SEC14L1: variants seen among roughly 807,000 people sequenced by gnomAD.
The protein encoded by SEC14L1 is SEC14-like protein 1.
In SEC14L1, 48 loss-of-function variants were observed where a neutral mutation model predicts 85.3. The observed-to-expected ratio is 0.56, with a 90% CI of 0.45 to 0.72. The LOEUF is 0.72. Among genes scored for constraint, SEC14L1 ranks in the 30% least tolerant of loss-of-function variants. The pLI, the probability that SEC14L1 is intolerant of heterozygous loss-of-function variation, is 0.00. For synonymous variants in SEC14L1, 391 were observed against 355.5 expected (o/e 1.10, Z -1.12); for missense variants, 682 against 921.4 (o/e 0.74, Z 3.36).
Position 77,209,477 on chromosome 17 carries a change from G to A in SEC14L1, c.1611+1G>A, listed in dbSNP as rs1386779620. The A allele has an allele frequency of 6.2e-7, 1 of 1,613,736 alleles. No individual in the cohort carries two copies. Among genetic ancestry groups the A allele is most frequent in the Non-Finnish European group, 8.5e-7 (1 of 1,179,966 alleles). On this transcript the variant is annotated splice_donor_variant, in intron 14 of 16. Transcript: ENST00000436233. LOFTEE classifies it high-confidence loss of function. ...CGTCTTCAAAGGAGCCCCACATGAG[G>A]TACGTCCTCCGCCTTCCTGCACCTG...
intron 13 of SEC14L1, among the ~76,000 whole-genome samples, chr17:77,209,117 C>T (rs1334265026): frequency 3.9e-5 from 6 of 152,198 alleles, no homozygotes; most frequent in African/African-American, 7.2e-5. Context: ...GGTACATCAG[C>T]TTCAACTTGT....
chr17:77,095,901 A>G (rs1971630517), intron 3 of SEC14L1, among the ~76,000 whole-genome samples: 1 of 152,038 alleles, frequency 6.6e-6, no homozygotes, highest in Admixed American at 6.6e-5. Flanking sequence ...CTCCTCCTAC[A>G]CAGGACTGGC....
chr17:77,216,162 C>CGTAGGTAGGGCTA lies in SEC14L1; in HGVS notation c.*2150_*2162dup, dbSNP rs1567943594. 2.5e-6 allele frequency: 1 copy of CGTAGGTAGGGCTA among 396,384 alleles called. No homozygotes were observed. The highest frequency in any genetic ancestry group is 2.0e-4 in the East Asian group (1 of 5,054). The allele number at this position is 396,384 out of a possible 1,614,324, so 24.6% of individuals were successfully genotyped here. A position where few individuals can be genotyped will look rare whatever the true frequency, so the allele number is the denominator to read the frequency against. ...GTAGGTAGGGTTCGTAGGTAGGGTT[C>CGTAGGTAGGGCTA]GTAGGTAGGGCTAGTAGGTAGGGTT... is the stretch of plus-strand genomic sequence containing the variant. On this transcript the variant is annotated 3_prime_UTR_variant, in exon 17 of 17. Transcript: ENST00000436233.
intron 3 of SEC14L1, among the ~76,000 whole-genome samples, chr17:77,182,865 G>A (rs1975098124): frequency 6.6e-6 from 1 of 152,238 alleles, no homozygotes; most frequent in African/African-American, 2.4e-5. Flanking sequence ...AAGCTTTCCA[G>A]AAAAGTCCAG....
chr17:77,173,620 T>C (rs972128245), intron 3 of SEC14L1, among the ~76,000 whole-genome samples: 1 of 152,210 alleles, frequency 6.6e-6, no homozygotes, highest in Non-Finnish European at 1.5e-5. Context: ...CTATTAAAAG[T>C]TGACAAATCC....
intron 3 of SEC14L1, among the ~76,000 whole-genome samples, chr17:77,108,804 AAG>A (rs1491158674): frequency 0.029 from 3,935 of 137,978 alleles, 201 homozygotes; most frequent in African/African-American, 0.1. Context: ...AAAAAAAAAA[AAG>A]AATGTATATG....
intron 3 of SEC14L1, among the ~76,000 whole-genome samples, chr17:77,121,467 T>C (rs1247828447): frequency 6.6e-6 from 1 of 152,142 alleles, no homozygotes; most frequent in Non-Finnish European, 1.5e-5. Flanking sequence ...CAAGCGATTC[T>C]CCTGCCTCAG....
Position 77,206,587 on chromosome 17 carries a change from T to C in SEC14L1, c.1342-141T>C. On this transcript the variant is annotated intron_variant, in intron 12 of 16. Coordinates refer to ENST00000436233, the MANE Select transcript of SEC14L1 (RefSeq NM_001143998.2). This position sits in a 1 kb window ranked among gnomAD's most constrained non-coding sequence, Gnocchi z 4.3. The stretch of plus-strand genomic sequence containing the variant: ...ACAAAATGTGAGTGTCCTAATGCCA[T>C]GCAAATAGACTTTACAGAAGAAGTA... 1 of 1,220,842 alleles carries C rather than the reference T, an allele frequency of 8.2e-7. No homozygotes were observed. Among genetic ancestry groups the C allele is most frequent in the Non-Finnish European group, 1.1e-6 (1 of 873,298 alleles). The allele number at this position is 1,220,842 out of a possible 1,614,324, so 75.6% of individuals were successfully genotyped here.
At chr17:77,196,793 G>A (rs991968237) in intron 8 of SEC14L1, among the ~76,000 whole-genome samples, 1 of 152,204 alleles carries the variant, frequency 6.6e-6, no homozygotes, top group Admixed American at 6.5e-5. Context: ...GGCATTGCAT[G>A]TATTTGGCCT....
intron 1 of SEC14L1, chr17:77,141,431 C>G (rs1873979350): frequency 6.7e-6 from 1 of 148,374 alleles, no homozygotes; most frequent in African/African-American, 2.6e-5. Flanking sequence ...GTGCCCGCCC[C>G]TCTCTCCCGT....
At chr17:77,194,223 A>G (rs1050588606) in intron 6 of SEC14L1, among the ~76,000 whole-genome samples, 2 of 152,140 alleles carry the variant, frequency 1.3e-5, no homozygotes, top group South Asian at 2.1e-4. Flanking sequence ...CTTTTTTTCT[A>G]TTAATTTTGT....
At chr17:77,150,490 A>G (rs978585422) in intron 3 of SEC14L1, among the ~76,000 whole-genome samples, 2 of 152,250 alleles carry the variant, frequency 1.3e-5, no homozygotes, top group African/African-American at 4.8e-5. Context: ...GTTAGATCAA[A>G]TAGGCATTTA....
intron 2 of SEC14L1, among the ~76,000 whole-genome samples, chr17:77,093,044 T>C (rs1223981218): frequency 1.3e-5 from 2 of 151,028 alleles, no homozygotes; most frequent in East Asian, 1.9e-4. Flanking sequence ...CTTGGCTCAG[T>C]GGTACCTGTA....
At chr17:77,152,824 C>T (rs1235548094) in intron 3 of SEC14L1, 2 of 152,208 alleles carry the variant, frequency 1.3e-5, no homozygotes, top group Non-Finnish European at 2.9e-5. Context: ...GATCCTGCTT[C>T]AAATAAAGCC....
rs577787997 is a variant in SEC14L1 at position 77,153,227 on chromosome 17, C to T, written c.63+9568C>T. Among the ~76,000 whole-genome samples, 8 of 152,262 alleles carry T rather than the reference C, an allele frequency of 5.3e-5. No individual in the cohort carries two copies. In the South Asian group the frequency reaches 1.0e-3, roughly 20 times the overall value. ...GACTACAGGCATGCGCCACCACGCC[C>T]GGCTAATTTTTGTATTTTTAGTACA... is the stretch of plus-strand genomic sequence containing the variant. On this transcript the variant is annotated intron_variant, in intron 3 of 16. Coordinates refer to ENST00000436233, the MANE Select transcript of SEC14L1 (RefSeq NM_001143998.2).
intron 3 of SEC14L1, among the ~76,000 whole-genome samples, chr17:77,185,055 A>G (rs1975206737): frequency 6.6e-6 from 1 of 152,254 alleles, no homozygotes; most frequent in African/African-American, 2.4e-5. Context: ...AAGACGGGTC[A>G]GGGTAAGAGA....
rs1977120866 is a variant in SEC14L1, at chr17:77,216,743, A to AGCAC, written c.*2721_*2724dup. On this transcript the variant is annotated 3_prime_UTR_variant, in exon 17 of 17. Coordinates refer to ENST00000436233, the MANE Select transcript of SEC14L1 (RefSeq NM_001143998.2). ...CTGTAGTGCATCTTGAAGAGCTCAA[A>AGCAC]GCACATGACCGCACAAATGCTTACA... is the stretch of plus-strand genomic sequence containing the variant. 1.8e-6 allele frequency: 2 copies of AGCAC among 1,093,878 alleles called. No homozygotes were observed. The highest frequency in any genetic ancestry group is 4.4e-5 in the Admixed American group (2 of 45,324). The allele number at this position is 1,093,878 out of a possible 1,614,324, so 67.8% of individuals were successfully genotyped here.
At chr17:77,167,822 C>G (rs925027090) in intron 3 of SEC14L1, among the ~76,000 whole-genome samples, 2 of 152,190 alleles carry the variant, frequency 1.3e-5, no homozygotes, top group East Asian at 3.9e-4. Context: ...CAAGAGAGTT[C>G]TTTGTGTTGG....
At position 77,182,630 on chromosome 17, in the gene SEC14L1, C is replaced by T. The variant is rs77653096; in HGVS notation, c.64-8173C>T. ...AACTTACTTCTGGGAGAGTTCATTT[C>T]GTCCAGCCTTTCTTGACTGTGTGTT... On this transcript the variant is annotated intron_variant, in intron 3 of 16. Coordinates refer to ENST00000436233, the MANE Select transcript of SEC14L1 (RefSeq NM_001143998.2). Among the ~76,000 whole-genome samples the T allele has an allele frequency of 7.0e-3, 1,066 of 152,270 alleles. 15 individuals are homozygous for T. The highest frequency in any genetic ancestry group is 0.024 in the African/African-American group (981 of 41,534).
Sources: gnomAD v4.1 joint callset for allele counts (sites outside exome capture counted in the v4.1 genomes callset) on GRCh38, gnomAD v4.1.1 for gene constraint, Gnocchi (gnomAD v3.1) non-coding constraint, MANE v1.5 for transcripts, NCBI Gene and HGNC (gene_info 2026-07-23, HGNC 2026-07-21) for gene names.